SPON2: variants seen among roughly 807,000 people sequenced by gnomAD.
SPON2 encodes spondin 2.
SPON2 carries 32 observed loss-of-function variants against 29.9 expected under a neutral mutation model. The ratio of observed to expected loss-of-function variants is 1.07; its 90% CI spans 0.81 to 1.44. The LOEUF (loss-of-function observed/expected upper bound fraction) is 1.44, where lower values mean the gene tolerates loss of function less well. Among genes scored for constraint, SPON2 ranks in the 40% most tolerant of loss-of-function variants. The pLI, the probability that SPON2 is intolerant of heterozygous loss-of-function variation, is 0.00. For missense variants in SPON2, 541 were observed against 455.5 expected (o/e 1.19, Z -1.71); for synonymous variants, 248 against 209.1 (o/e 1.19, Z -1.61).
rs542397249 is a variant in SPON2 at position 1,186,200 on chromosome 4, G to C, written c.-238-6659C>G. Among the ~76,000 whole-genome samples, 68 of 150,934 alleles carry C rather than the reference G, an allele frequency of 4.5e-4. No homozygotes were observed. In the Middle Eastern group the frequency reaches 0.017, roughly 38 times the overall value. ...CGGAGCTTGCAGTGAGCTGAGATCG[G>C]GCCACTATACTCCAGCTTGGGTGAC... On this transcript the variant is annotated intron_variant, in intron 1 of 3. Transcript: ENST00000502483.
chr4:1,176,668 ACATT>A (rs555057713), upstream of SPON2, among the ~76,000 whole-genome samples: 12 of 151,888 alleles, frequency 7.9e-5, no homozygotes, highest in South Asian at 6.3e-4. Context: ...CTCACACAGT[ACATT>A]CATTCAATCA....
chr4:1,181,802 T>C (rs553048736), intron 1 of SPON2, among the ~76,000 whole-genome samples: 1 of 152,328 alleles, frequency 6.6e-6, no homozygotes, highest in Admixed American at 6.5e-5. Flanking sequence ...GTGTTCTGAT[T>C]GCTGATTGCT....
chr4:1,204,457 CA>C (rs1305547597), intron 1 of SPON2, among the ~76,000 whole-genome samples: 1 of 152,170 alleles, frequency 6.6e-6, no homozygotes, highest in African/African-American at 2.4e-5. Flanking sequence ...CTCACTGATT[CA>C]AAACGTCCTT....
At chr4:1,174,556 TTTTTG>T (rs1264824409), upstream of SPON2, among the ~76,000 whole-genome samples, 1 of 152,004 alleles carries the variant, frequency 6.6e-6, no homozygotes, top group Non-Finnish European at 1.5e-5. Context: ...CTGAAGAACT[TTTTTG>T]TTTGTATGGG....
At chr4:1,170,200 G>T in intron 5 of SPON2, 1 of 610,294 alleles carries the variant, frequency 1.6e-6, no homozygotes, top group East Asian at 2.8e-5. Context: ...CCTGTAAGAT[G>T]CTTTCAACTG....
At chr4:1,169,544 T>C (rs1057019240) in intron 5 of SPON2, among the ~76,000 whole-genome samples, 5 of 152,206 alleles carry the variant, frequency 3.3e-5, no homozygotes, top group Admixed American at 6.5e-5. Context: ...AAGCTTGTAA[T>C]TACTGCTGCT....
Position 1,171,812 on chromosome 4 carries a change from C to T in SPON2, c.220+40G>A, listed in dbSNP as rs769827720. On this transcript the variant is annotated intron_variant, in intron 2 of 5. Transcript: ENST00000290902. ...TGCGGGGGGCTCCGGCGCCGCAGCC[C>T]TCCTGGTGGAGCAGGAGGCGAGGAG... 13 of 1,491,408 alleles carry T rather than the reference C, an allele frequency of 8.7e-6. No individual in the cohort carries two copies. The Admixed American group carries it at 2.2e-4, about 25-fold the overall frequency. The allele number at this position is 1,491,408 out of a possible 1,614,324, so 92.4% of individuals were successfully genotyped here. A position where few individuals can be genotyped will look rare whatever the true frequency, so the allele number is the denominator to read the frequency against.
chr4:1,176,846 C>T (rs1049035521), upstream of SPON2, among the ~76,000 whole-genome samples: 2 of 151,268 alleles, frequency 1.3e-5, no homozygotes, highest in Non-Finnish European at 2.9e-5. Context: ...ACAGTTCATT[C>T]ACACACTTCA....
Position 1,170,591 on chromosome 4 carries a change from G to A in SPON2, c.637-15C>T, listed in dbSNP as rs763822276. The A allele has an allele frequency of 2.4e-6, 3 of 1,235,952 alleles. No individual in the cohort carries two copies. The highest frequency in any genetic ancestry group is 3.3e-6 in the Non-Finnish European group (3 of 907,832). 76.6% of individuals were successfully genotyped at this position (1,235,952 alleles called of 1,614,324 possible). On this transcript the variant is annotated splice_polypyrimidine_tract_variant and intron_variant, in intron 4 of 5. Transcript: ENST00000290902. Reference sequence around the variant, plus strand: ...GAGGACGTTATCTGGGGAGGAAGAAGAGGAGGTTGGCCTGGGGTCCGAGAA... The same window carrying A: ...GAGGACGTTATCTGGGGAGGAAGAAAAGGAGGTTGGCCTGGGGTCCGAGAA...
chr4:1,171,818 G>T, intron 2 of SPON2, 34 bp downstream of exon 2: 2 of 1,495,456 alleles, frequency 1.3e-6, no homozygotes, highest in Non-Finnish European at 9.3e-7. Flanking sequence ...AGCCCTCCTG[G>T]TGGAGCAGGA....
intron 1 of SPON2, 159 bp from the exon 2 acceptor site, chr4:1,172,233 C>T: frequency 6.1e-6 from 4 of 652,856 alleles, no homozygotes; most frequent in Non-Finnish European, 1.0e-5. Context: ...CTTCCGAGAC[C>T]CCCATCAGCG....
At chr4:1,192,909 G>T (rs1404251745) in intron 1 of SPON2, among the ~76,000 whole-genome samples, 3 of 152,210 alleles carry the variant, frequency 2.0e-5, no homozygotes, top group Admixed American at 6.5e-5. Flanking sequence ...GTGCCAGGGA[G>T]GGGGCAGAGC....
chr4:1,196,376 T>C (rs1379308942), upstream of SPON2, among the ~76,000 whole-genome samples: 2 of 152,194 alleles, frequency 1.3e-5, no homozygotes, highest in Non-Finnish European at 2.9e-5. Flanking sequence ...TCATGTGAGC[T>C]CCATGGGAAC....
chr4:1,194,936 C>T (rs1253824973), intron 1 of SPON2: 2 of 146,574 alleles, frequency 1.4e-5, no homozygotes, highest in Non-Finnish European at 3.0e-5. Flanking sequence ...ACCCCGCAGC[C>T]GGCGGCTCCA....
intron 5 of SPON2, chr4:1,170,175 C>T (rs529488381): frequency 9.3e-6 from 5 of 536,864 alleles, no homozygotes; most frequent in African/African-American, 5.8e-5. Context: ...TTCATTCTTT[C>T]CTCTGGGCTG....
At position 1,167,516 on chromosome 4, in the gene SPON2, C is replaced by A. The variant is rs754339978; in HGVS notation, c.952G>T (p.Glu318Ter). ...QPANNGSPCP[E>*]LEEEAECVPD... Reference sequence around the variant, plus strand: ...ACGCACTCAGCCTCTTCTTCGAGCTCGGGGCAGGGGCTCCCGTTGTTGGCG... The same window carrying A: ...ACGCACTCAGCCTCTTCTTCGAGCTAGGGGCAGGGGCTCCCGTTGTTGGCG... The change falls in exon 6 of 6, where the codon GAG (glutamate) becomes TAG (stop). Residue 318 changes from glutamate to a stop codon, truncating the protein, a stop_gained. Coordinates refer to ENST00000290902, the MANE Select transcript of SPON2 (RefSeq NM_012445.4). LOFTEE classifies it high-confidence loss of function. The A allele has an allele frequency of 6.2e-7, 1 of 1,613,780 alleles. No individual in the cohort carries two copies. The highest frequency in any genetic ancestry group is 1.1e-5 in the South Asian group (1 of 91,062).
At chr4:1,204,453 G>A (rs1222746323) in intron 1 of SPON2, among the ~76,000 whole-genome samples, 1 of 152,166 alleles carries the variant, frequency 6.6e-6, no homozygotes, top group Non-Finnish European at 1.5e-5. Flanking sequence ...GCCTCTCACT[G>A]ATTCAAAACG....
chr4:1,198,822 C>T (rs1242269083), upstream of SPON2, among the ~76,000 whole-genome samples: 1 of 152,198 alleles, frequency 6.6e-6, no homozygotes, highest in Non-Finnish European at 1.5e-5. Flanking sequence ...ATTCAGCAAT[C>T]TTTATGAATA....
intron 1 of SPON2, among the ~76,000 whole-genome samples, chr4:1,181,011 G>A (rs1727691987): frequency 2.0e-5 from 3 of 152,114 alleles, no homozygotes. Flanking sequence ...AAAGAAAAAT[G>A]TTTATCTACA....
Sources: allele counts gnomAD v4.1 joint callset (sites outside exome capture counted in the v4.1 genomes callset), GRCh38; gene constraint gnomAD v4.1.1; transcripts MANE v1.5; gene names NCBI Gene and HGNC (gene_info 2026-07-23, HGNC 2026-07-21).